The following EBF2 variants were observed in gnomAD, a reference collection of about 807,000 sequenced individuals.
EBF2 encodes the protein transcription factor COE2.
EBF2 carries 21 observed loss-of-function variants against 72.8 expected under a neutral mutation model. The observed-to-expected ratio is 0.29, with a 90% confidence interval of 0.20 to 0.42. The LOEUF (loss-of-function observed/expected upper bound fraction) is 0.42, where lower values mean the gene tolerates loss of function less well. EBF2 is among the 10% of genes least tolerant of loss of function. The pLI is 1.00. For synonymous variants in EBF2, 299 were observed against 274.2 expected (o/e 1.09, Z -0.89); for missense variants, 637 against 731.2 (o/e 0.87, Z 1.49).
At chr8:26,041,201 G>A (rs1261792334) in intron 2 of EBF2, 199 bp from the exon 3 acceptor site, 3 of 627,020 alleles carry the variant, frequency 4.8e-6, no homozygotes. Flanking sequence ...AAGACTCGTA[G>A]CCACTTGACC....
chr8:25,904,113 A>G (rs956585996), intron 7 of EBF2, among the ~76,000 whole-genome samples: 7 of 152,054 alleles, frequency 4.6e-5, no homozygotes, highest in African/African-American at 1.7e-4. Context: ...CTAGAGGTCC[A>G]TGGAAGCTTG....
intron 7 of EBF2, among the ~76,000 whole-genome samples, chr8:25,902,951 T>G (rs1585189077): frequency 6.6e-6 from 1 of 152,292 alleles, no homozygotes; most frequent in East Asian, 1.9e-4. Context: ...GGGACAGGCA[T>G]GGCAGGTTTT....
intron 12 of EBF2, 41 bp from the exon 13 acceptor site, chr8:25,861,267 A>ATT (rs769914676): frequency 6.8e-6 from 11 of 1,613,830 alleles, no homozygotes; most frequent in Non-Finnish European, 9.3e-6. Flanking sequence ...TATCCAGCAT[A>ATT]AAGTGCAAAA....
intron 6 of EBF2, among the ~76,000 whole-genome samples, chr8:25,988,103 T>C (rs1237593036): frequency 6.6e-6 from 1 of 152,098 alleles, no homozygotes; most frequent in South Asian, 2.1e-4. Flanking sequence ...ATGGATCCAT[T>C]TGGCCACTCA....
Position 25,841,905 on chromosome 8 carries a change from A to G in EBF2, c.*2704T>C, listed in dbSNP as rs114285654. On this transcript the variant is annotated 3_prime_UTR_variant, in exon 16 of 16. Coordinates refer to ENST00000520164, the MANE Select transcript of EBF2 (RefSeq NM_022659.4). ...AACTTTATACTGTATATAACTGACA[A>G]AGCAAAACAATAAAATGAAACTATA... The G allele has an allele frequency of 8.1e-4, 123 of 152,350 alleles. 2 individuals are homozygous for G. The highest frequency in any genetic ancestry group is 2.9e-3 in the African/African-American group (120 of 41,594). 9.4% of individuals were successfully genotyped at this position (152,350 alleles called of 1,614,324 possible).
Position 26,040,608 on chromosome 8 carries a change from C to A in EBF2, c.408+8G>T. On this transcript the variant is annotated splice_region_variant and intron_variant, in intron 4 of 15. Transcript: ENST00000520164. ...AGGCGAAGAGAAGCCAAGTGGCCTC[C>A]GGCTCACCTGCTTGGTGACCGAGTC... 3 of 1,552,148 alleles carry A rather than the reference C, an allele frequency of 1.9e-6. No individual in the cohort carries two copies. Among genetic ancestry groups the A allele is most frequent in the Non-Finnish European group, 2.6e-6 (3 of 1,147,382 alleles).
At chr8:25,871,115 T>G (rs913348192) in intron 10 of EBF2, among the ~76,000 whole-genome samples, 2 of 152,182 alleles carry the variant, frequency 1.3e-5, no homozygotes, top group Non-Finnish European at 2.9e-5. Context: ...AACTGACCAG[T>G]TGCTTTTGCG....
intron 6 of EBF2, among the ~76,000 whole-genome samples, chr8:25,949,875 C>T (rs1803829845): frequency 6.6e-6 from 1 of 152,214 alleles, no homozygotes; most frequent in Non-Finnish European, 1.5e-5. Context: ...AGGCATTCAT[C>T]AGTACCACAC....
At chr8:25,920,626 A>T (rs1803291518) in intron 6 of EBF2, among the ~76,000 whole-genome samples, 1 of 152,228 alleles carries the variant, frequency 6.6e-6, no homozygotes, top group Non-Finnish European at 1.5e-5. Flanking sequence ...CTAATCAGCT[A>T]TGAGGGAGAA....
At chr8:25,993,147 C>T (rs919584935) in intron 6 of EBF2, among the ~76,000 whole-genome samples, 1 of 152,154 alleles carries the variant, frequency 6.6e-6, no homozygotes, top group African/African-American at 2.4e-5. Flanking sequence ...ATTATTCTTC[C>T]ACTAAGTGGT....
intron 14 of EBF2, among the ~76,000 whole-genome samples, chr8:25,851,672 C>T (rs1438119718): frequency 1.3e-5 from 2 of 152,062 alleles, no homozygotes; most frequent in African/African-American, 4.8e-5. Flanking sequence ...AGCATAATTC[C>T]CAGAATTCTG....
At chr8:25,878,815 G>C in intron 10 of EBF2, among the ~76,000 whole-genome samples, 1 of 152,118 alleles carries the variant, frequency 6.6e-6, no homozygotes, top group African/African-American at 2.4e-5. Context: ...AAACTCCTGA[G>C]TCCCTCCCCT....
chr8:25,877,363 G>C (rs746415629), intron 10 of EBF2, among the ~76,000 whole-genome samples: 19 of 152,164 alleles, frequency 1.2e-4, no homozygotes, highest in Non-Finnish European at 2.6e-4. Flanking sequence ...CCTCCTCCAG[G>C]TCTCAAACCA....
At position 25,857,170 on chromosome 8, in the gene EBF2, T is replaced by A. The variant is rs114011766; in HGVS notation, c.1528+1149A>T. Among the ~76,000 whole-genome samples, 1,333 of 152,270 alleles carry A rather than the reference T, an allele frequency of 8.8e-3. 21 individuals carry two copies. The highest frequency in any genetic ancestry group is 0.031 in the African/African-American group (1,270 of 41,538). On this transcript the variant is annotated intron_variant, in intron 14 of 15. Transcript: ENST00000520164. ...CCTGACAAGACACAACATAGAACTC[T>A]TGTCTTTGCAGTAAGAAGATTTTCA... is the stretch of plus-strand genomic sequence containing the variant.
At chr8:25,956,844 C>T (rs1251505498) in intron 6 of EBF2, among the ~76,000 whole-genome samples, 1 of 152,208 alleles carries the variant, frequency 6.6e-6, no homozygotes, top group Non-Finnish European at 1.5e-5. Context: ...CAAGATGACA[C>T]ACAATCAGAA....
intron 6 of EBF2, among the ~76,000 whole-genome samples, chr8:26,005,979 C>G (rs1030504790): frequency 6.6e-6 from 1 of 152,008 alleles, no homozygotes; most frequent in African/African-American, 2.4e-5. Context: ...TCCATTGGAA[C>G]TCTGCTCCCT....
chr8:26,033,164 G>T lies in EBF2; in HGVS notation c.483-11C>A. On this transcript the variant is annotated splice_polypyrimidine_tract_variant and intron_variant, in intron 5 of 15. Transcript: ENST00000520164. ...TTTTCGCAGCATCGACTGTAGATTG[G>T]GAAGGAACCAAGAGTGAAAGAAATT... 1 of 1,613,754 alleles carries T rather than the reference G, an allele frequency of 6.2e-7. No individual in the cohort carries two copies. Among genetic ancestry groups the T allele is most frequent in the Non-Finnish European group, 8.5e-7 (1 of 1,179,710 alleles).
chr8:26,005,023 AAAG>A (rs1804814977), intron 6 of EBF2, among the ~76,000 whole-genome samples: 1 of 150,706 alleles, frequency 6.6e-6, no homozygotes, highest in Non-Finnish European at 1.5e-5. Context: ...CAAGAAATAG[AAAG>A]AAGATCATTG....
At chr8:25,877,509 T>G (rs1240260175) in intron 10 of EBF2, among the ~76,000 whole-genome samples, 2 of 152,200 alleles carry the variant, frequency 1.3e-5, no homozygotes, top group East Asian at 3.8e-4. Flanking sequence ...AAAGAAAATG[T>G]GTTATTTTTC....
Sources: gnomAD v4.1 joint callset for allele counts (sites outside exome capture counted in the v4.1 genomes callset) on GRCh38, gnomAD v4.1.1 for gene constraint, MANE v1.5 for transcripts, NCBI Gene and HGNC (gene_info 2026-07-23, HGNC 2026-07-21) for gene names.